Variants in CLIC5 observed in about 807,000 individuals in gnomAD.
The protein encoded by CLIC5 is CLIC family member 5.
A neutral mutation model predicts 24.7 loss-of-function variants in CLIC5; 20 were observed. That is an observed-to-expected ratio of 0.81 (90% confidence interval 0.57 to 1.18). The LOEUF is 1.18. Among genes scored for constraint, CLIC5 ranks in the 50% most tolerant of loss-of-function variants. CLIC5 has a pLI of 0.00. For synonymous variants in CLIC5, 159 were observed against 135.6 expected, an observed-to-expected ratio of 1.17 and a Z score of -1.20; for missense variants, 341 against 326.1, an observed-to-expected ratio of 1.05 and a Z score of -0.35.
At chr6:45,948,176 A>G (rs971080154) in intron 3 of CLIC5, among the ~76,000 whole-genome samples, 3 of 152,250 alleles carry the variant, frequency 2.0e-5, no homozygotes, top group Non-Finnish European at 4.4e-5. Flanking sequence ...TGAAGGCTAT[A>G]AAAGTGTTGA....
intron 6 of CLIC5, among the ~76,000 whole-genome samples, chr6:45,884,088 G>C (rs143579209): frequency 2.4e-4 from 37 of 152,298 alleles, no homozygotes; most frequent in African/African-American, 6.7e-4. Context: ...GTCTGGGACT[G>C]GTTCAGAAGC....
In CLIC5 at chr6:46,015,824, G is replaced by A; in HGVS notation, c.-282C>T. 1.7e-6 allele frequency: 2 copies of A among 1,160,720 alleles called. No homozygotes were observed. Among genetic ancestry groups the A allele is most frequent in the Non-Finnish European group, 2.1e-6 (2 of 941,874 alleles). 71.9% of individuals were successfully genotyped at this position (1,160,720 alleles called of 1,614,324 possible). On this transcript the variant is annotated 5_prime_UTR_variant, in exon 1 of 6. Transcript: ENST00000339561. ...AGGTCGTGGGAGCAACAAGTGCCGG[G>A]CTGCCCGGAGGTGTCACAGGATCCG...
intron 1 of CLIC5, among the ~76,000 whole-genome samples, chr6:46,064,339 G>A (rs1481141901): frequency 6.6e-6 from 1 of 151,866 alleles, no homozygotes; most frequent in Non-Finnish European, 1.5e-5. Context: ...AGTTTTACTA[G>A]TGAATTCTAC....
upstream of CLIC5, among the ~76,000 whole-genome samples, chr6:46,083,096 T>G (rs576036960): frequency 1.1e-3 from 165 of 152,370 alleles, no homozygotes; most frequent in Non-Finnish European, 1.8e-3. Flanking sequence ...GCCTATTTTT[T>G]CACGTTGCTA....
chr6:45,957,303 A>G (rs968956688), intron 1 of CLIC5, among the ~76,000 whole-genome samples: 6 of 152,198 alleles, frequency 3.9e-5, no homozygotes, highest in Non-Finnish European at 7.3e-5. Flanking sequence ...GGATTTACAT[A>G]TGTTATTAAC....
intron 1 of CLIC5, among the ~76,000 whole-genome samples, chr6:46,028,438 C>T (rs1767403682): frequency 6.6e-6 from 1 of 152,206 alleles, no homozygotes; most frequent in Non-Finnish European, 1.5e-5. Context: ...GAACAATGAA[C>T]AGTACTGACC....
chr6:46,032,177 G>A (rs1185746668), intron 1 of CLIC5, among the ~76,000 whole-genome samples: 1 of 152,102 alleles, frequency 6.6e-6, no homozygotes, highest in African/African-American at 2.4e-5. Flanking sequence ...GAAGAGAAAG[G>A]AGGCATGGCT....
chr6:46,055,292 G>A (rs570183762), intron 1 of CLIC5, among the ~76,000 whole-genome samples: 7 of 152,224 alleles, frequency 4.6e-5, no homozygotes, highest in African/African-American at 1.4e-4. Flanking sequence ...TAGTAGAGAC[G>A]GTGTTTCACC....
chr6:46,008,192 C>T (rs1421220989), intron 1 of CLIC5, among the ~76,000 whole-genome samples: 1 of 152,202 alleles, frequency 6.6e-6, no homozygotes, highest in Non-Finnish European at 1.5e-5. Flanking sequence ...CCCCCTCCTG[C>T]CACTGTTGTT....
At chr6:46,015,887 A>C, upstream of CLIC5, 5 of 1,032,194 alleles carry the variant, frequency 4.8e-6, no homozygotes, top group East Asian at 7.9e-5. Flanking sequence ...ACGCGCCCAA[A>C]ATAGCCGGCG....
At chr6:45,929,613 G>A (rs2127348297) in intron 4 of CLIC5, among the ~76,000 whole-genome samples, 1 of 152,338 alleles carries the variant, frequency 6.6e-6, no homozygotes, top group Non-Finnish European at 1.5e-5. Flanking sequence ...TGCTTTATGA[G>A]GAAGTGGTGA....
the CLIC5 span, among the ~76,000 whole-genome samples, chr6:46,103,572 C>A: frequency 1.5e-4 from 23 of 152,278 alleles, no homozygotes; most frequent in African/African-American, 5.3e-4. Context: ...TCCCATAATG[C>A]ATTTTGCCAC....
At chr6:45,921,870 A>G (rs970840526) in intron 4 of CLIC5, among the ~76,000 whole-genome samples, 2 of 152,188 alleles carry the variant, frequency 1.3e-5, no homozygotes, top group Non-Finnish European at 2.9e-5. Context: ...TTTGGCACTG[A>G]ACCAAGAACA....
chr6:45,918,859 A>G, intron 4 of CLIC5: 4 of 736,426 alleles, frequency 5.4e-6, no homozygotes, highest in Non-Finnish European at 6.6e-6. Flanking sequence ...CCATTTAAAC[A>G]CACAATGAGG....
intron 5 of CLIC5, among the ~76,000 whole-genome samples, chr6:45,904,646 C>CT (rs1177531853): frequency 0.014 from 1 of 74 alleles, no homozygotes; most frequent in Admixed American, 0.17. Context: ...TCTTTTCTGT[C>CT]CCTTTCCTTC....
intron 4 of CLIC5, among the ~76,000 whole-genome samples, chr6:45,921,415 A>T (rs749237581): frequency 9.9e-5 from 15 of 152,218 alleles, no homozygotes; most frequent in Non-Finnish European, 1.9e-4. Flanking sequence ...TAACAAACAC[A>T]GTAGCAGAGC....
At chr6:46,113,334 G>A in the CLIC5 span, among the ~76,000 whole-genome samples, 1 of 152,192 alleles carries the variant, frequency 6.6e-6, no homozygotes, top group African/African-American at 2.4e-5. Flanking sequence ...GGGAAGGAAA[G>A]AAACAGCTAG....
At chr6:46,114,587 G>A in the CLIC5 span, among the ~76,000 whole-genome samples, 2 of 152,128 alleles carry the variant, frequency 1.3e-5, no homozygotes, top group South Asian at 4.2e-4. Context: ...TGTAGCATGT[G>A]TGTTTCAGGT....
intron 1 of CLIC5, among the ~76,000 whole-genome samples, chr6:46,037,593 G>A (rs767707549): frequency 6.6e-6 from 1 of 152,196 alleles, no homozygotes; most frequent in Non-Finnish European, 1.5e-5. Context: ...ATTTGGGTAT[G>A]AAGTAAGATA....
Sources: gnomAD v4.1 joint callset for allele counts (sites outside exome capture counted in the v4.1 genomes callset) on GRCh38, gnomAD v4.1.1 for gene constraint, MANE v1.5 for transcripts, NCBI Gene and HGNC (gene_info 2026-07-23, HGNC 2026-07-21) for gene names.